The following SGCZ variants were observed in gnomAD, a reference collection of about 807,000 sequenced individuals.
SGCZ encodes the protein sarcoglycan zeta.
SGCZ carries 40 observed loss-of-function variants against 41.3 expected under a neutral mutation model. The ratio of observed to expected loss-of-function variants is 0.97; its 90% CI spans 0.75 to 1.26. The LOEUF is 1.26. SGCZ is among the 50% of genes most tolerant of loss of function. The pLI is 0.00. For missense variants in SGCZ, 552 were observed against 369.8 expected, an observed-to-expected ratio of 1.49 and a Z score of -4.04; for synonymous variants, 206 against 137.5, an observed-to-expected ratio of 1.50 and a Z score of -3.49.
intron 1 of SGCZ, among the ~76,000 whole-genome samples, chr8:15,104,101 C>T (rs922135389): frequency 6.6e-6 from 1 of 152,108 alleles, no homozygotes; most frequent in East Asian, 1.9e-4. Flanking sequence ...AGACTAAGTG[C>T]TCCACTTCTT....
intron 2 of SGCZ, among the ~76,000 whole-genome samples, chr8:14,541,025 T>A (rs754731740): frequency 6.6e-6 from 1 of 150,970 alleles, no homozygotes; most frequent in Non-Finnish European, 1.5e-5. Flanking sequence ...AACATATATA[T>A]GTATATATGT....
At chr8:14,817,242 A>G (rs1801933329) in intron 1 of SGCZ, among the ~76,000 whole-genome samples, 1 of 152,162 alleles carries the variant, frequency 6.6e-6, no homozygotes, top group African/African-American at 2.4e-5. Context: ...CCTCTGCCAC[A>G]TAGTCTCACC....
chr8:14,895,396 C>T (rs1017076514), intron 1 of SGCZ, among the ~76,000 whole-genome samples: 11 of 152,082 alleles, frequency 7.2e-5, no homozygotes, highest in Admixed American at 3.3e-4. Flanking sequence ...ATTACCAATG[C>T]ACATCTGTGT....
chr8:14,721,209 T>C (rs1809874473), intron 1 of SGCZ, among the ~76,000 whole-genome samples: 1 of 152,190 alleles, frequency 6.6e-6, no homozygotes, highest in Non-Finnish European at 1.5e-5. Context: ...CTCATTTATT[T>C]GGTGATTGCA....
intron 1 of SGCZ, among the ~76,000 whole-genome samples, chr8:15,088,478 T>C (rs1806030879): frequency 6.6e-6 from 1 of 152,138 alleles, no homozygotes; most frequent in Non-Finnish European, 1.5e-5. Flanking sequence ...CCACAACTTG[T>C]TCAAAAAAGC....
intron 7 of SGCZ, among the ~76,000 whole-genome samples, chr8:14,099,395 G>A (rs541553981): frequency 6.6e-6 from 1 of 152,182 alleles, no homozygotes; most frequent in South Asian, 2.1e-4. Flanking sequence ...TTATCCTTCT[G>A]TCACCTGTTG....
intron 2 of SGCZ, among the ~76,000 whole-genome samples, chr8:14,446,777 A>G (rs1800444362): frequency 6.6e-6 from 1 of 152,188 alleles, no homozygotes; most frequent in African/African-American, 2.4e-5. Context: ...GGTATATACT[A>G]AAGTACTAAA....
chr8:14,240,312 A>C (rs986081060), intron 3 of SGCZ, among the ~76,000 whole-genome samples: 2 of 132,952 alleles, frequency 1.5e-5, no homozygotes, highest in African/African-American at 5.8e-5. Flanking sequence ...TGAGTGACAG[A>C]GCGAAACTCT....
intron 1 of SGCZ, among the ~76,000 whole-genome samples, chr8:15,159,362 G>C (rs549771268): frequency 1.3e-5 from 2 of 152,258 alleles, no homozygotes; most frequent in Admixed American, 1.3e-4. Context: ...AGTTCTGTGA[G>C]TCTCTCCAGA....
intron 3 of SGCZ, among the ~76,000 whole-genome samples, chr8:14,286,805 C>T (rs190801675): frequency 6.6e-6 from 1 of 152,070 alleles, no homozygotes; most frequent in African/African-American, 2.4e-5. Context: ...TGCTAAGATA[C>T]CCATAAAATT....
chr8:14,234,591 T>A (rs528134889), intron 4 of SGCZ, among the ~76,000 whole-genome samples: 62 of 152,156 alleles, frequency 4.1e-4, no homozygotes, highest in African/African-American at 1.4e-3. Flanking sequence ...AACTATTCAG[T>A]TTGTGTGCTA....
chr8:14,295,616 T>C (rs913501957), intron 3 of SGCZ, among the ~76,000 whole-genome samples: 6 of 152,114 alleles, frequency 3.9e-5, no homozygotes, highest in African/African-American at 1.2e-4. Context: ...TAACTGAGGG[T>C]AATATACATT....
intron 1 of SGCZ, among the ~76,000 whole-genome samples, chr8:14,939,136 C>A (rs976857289): frequency 2.6e-5 from 4 of 152,114 alleles, no homozygotes; most frequent in Non-Finnish European, 5.9e-5. Context: ...CTGATGATTT[C>A]TATTTCAATC....
chr8:14,820,508 G>T (rs1369127609), intron 1 of SGCZ, among the ~76,000 whole-genome samples: 1 of 151,998 alleles, frequency 6.6e-6, no homozygotes, highest in African/African-American at 2.4e-5. Context: ...ATGAACATTT[G>T]TACAGCTTTC....
chr8:15,177,871 T>C (rs1273062987), intron 1 of SGCZ, among the ~76,000 whole-genome samples: 2 of 152,170 alleles, frequency 1.3e-5, no homozygotes, highest in South Asian at 2.1e-4. Context: ...GGGGAAGCTA[T>C]GAACTCCCTA....
intron 5 of SGCZ, among the ~76,000 whole-genome samples, chr8:14,124,865 T>C (rs1802804211): frequency 6.6e-6 from 1 of 152,144 alleles, no homozygotes; most frequent in African/African-American, 2.4e-5. Flanking sequence ...AGGTATTATA[T>C]ATACATTCAT....
At chr8:14,401,309 T>C (rs1020269792) in intron 2 of SGCZ, among the ~76,000 whole-genome samples, 3 of 152,076 alleles carry the variant, frequency 2.0e-5, no homozygotes, top group African/African-American at 7.2e-5. Context: ...TATTATACTT[T>C]AAGTTTTAGG....
intron 2 of SGCZ, among the ~76,000 whole-genome samples, chr8:14,437,480 A>G (rs1800126849): frequency 6.6e-6 from 1 of 152,130 alleles, no homozygotes; most frequent in African/African-American, 2.4e-5. Flanking sequence ...TGCAAACTGA[A>G]AAACAGTAAC....
chr8:14,737,416 T>C (rs1276229098), intron 1 of SGCZ, among the ~76,000 whole-genome samples: 1 of 152,186 alleles, frequency 6.6e-6, no homozygotes, highest in East Asian at 1.9e-4. Flanking sequence ...CCTTTTTTAT[T>C]GTCACTGAGA....
Sources: allele counts gnomAD v4.1 joint callset (sites outside exome capture counted in the v4.1 genomes callset), GRCh38; gene constraint gnomAD v4.1.1; transcripts MANE v1.5; gene names NCBI Gene and HGNC (gene_info 2026-07-23, HGNC 2026-07-21).